Variants in ATN1 observed in about 807,000 individuals in gnomAD.
The protein encoded by ATN1 is atrophin 1, also known as atrophin-1.
In ATN1, 19 loss-of-function variants were observed where a neutral mutation model predicts 85.8. The ratio of observed to expected loss-of-function variants is 0.22; its 90% CI spans 0.15 to 0.32. The LOEUF (loss-of-function observed/expected upper bound fraction) is 0.32. Among genes scored for constraint, ATN1 ranks in the 10% least tolerant of loss-of-function variants. The pLI, the probability that ATN1 is intolerant of heterozygous loss-of-function variation, is 1.00. For missense variants in ATN1, 1,453 were observed against 1,564.5 expected, an observed-to-expected ratio of 0.93 and a Z score of 1.20; for synonymous variants, 674 against 657.0, an observed-to-expected ratio of 1.03 and a Z score of -0.39.
In ATN1 at chr12:6,936,598, C is replaced by A; in HGVS notation, c.1331C>A (p.Pro444Gln). Reference protein sequence around the residue: ...SQAVWSQGPPPPPPYGRLLAN... With the variant: ...SQAVWSQGPPQPPPYGRLLAN... The stretch of plus-strand genomic sequence containing the variant: ...GCTGTGTGGAGCCAGGGTCCCCCAC[C>A]ACCTCCTCCCTATGGCCGCCTCTTA... Residue 444 changes from proline to glutamine, a missense_variant, in exon 5 of 10, where the codon CCA becomes CAA. Pro to Gln is a moderately conservative substitution (Grantham distance 76). Coordinates refer to ENST00000396684, the MANE Select transcript of ATN1 (RefSeq NM_001940.4). 1 of 1,611,520 alleles carries A rather than the reference C, an allele frequency of 6.2e-7. No individual in the cohort carries two copies. Among genetic ancestry groups the A allele is most frequent in the Non-Finnish European group, 8.5e-7 (1 of 1,178,584 alleles).
Position 6,936,256 on chromosome 12 carries a change from C to T in ATN1, c.989C>T (p.Pro330Leu). 6.2e-7 allele frequency: 1 copy of T among 1,610,302 alleles called. No individual in the cohort carries two copies. Among genetic ancestry groups the T allele is most frequent in the South Asian group, 1.1e-5 (1 of 90,732 alleles). Residue 330 changes from proline (P) to leucine (L), a missense_variant, in exon 5 of 10, where the codon CCC (proline) becomes CTC (leucine). By Grantham distance (98) the Pro-to-Leu change is moderately conservative (BLOSUM62 -3). Transcript: ENST00000396684. ...LGAQPLPGHL[P>L]SPHAMGQGMG... ...GCCCAACCACTACCTGGTCATCTGC[C>T]CTCTCCCCACGCCATGGGACAGGGT...
rs782807248 is a variant in ATN1, at chr12:6,935,065, T to G, written c.280-482T>G. ...ACCATGCCCGGCTAATTTTTGTATT[T>G]TTGGTAGAGACAGTGTTTCACCATG... On this transcript the variant is annotated intron_variant, in intron 4 of 9. Transcript: ENST00000396684. This position sits in a 1 kb window ranked among gnomAD's most constrained non-coding sequence, Gnocchi z 5.3. Among the ~76,000 whole-genome samples, 3 of 152,136 alleles carry G rather than the reference T, an allele frequency of 2.0e-5. No individual in the cohort carries two copies. The highest frequency in any genetic ancestry group is 7.2e-5 in the African/African-American group (3 of 41,432).
Position 6,938,016 on chromosome 12 carries a change from A to G in ATN1, c.2466A>G (p.Glu822=), listed in dbSNP as rs1350469731. The G allele has an allele frequency of 6.5e-7, 1 of 1,541,180 alleles. No individual in the cohort carries two copies. The highest frequency in any genetic ancestry group is 8.8e-7 in the Non-Finnish European group (1 of 1,141,502). The part of the protein sequence containing the change: ...REEKERERER[E]REKEREREKE... ...AAAAGGAGCGCGAGCGCGAGCGGGA[A>G]CGCGAGAAAGAGCGCGAGCGCGAGA... Residue 822 remains glutamate, a synonymous_variant, in exon 6 of 10, where the codon GAA becomes GAG. Coordinates refer to ENST00000396684, the MANE Select transcript of ATN1 (RefSeq NM_001940.4).
At position 6,937,714 on chromosome 12, in the gene ATN1, C is replaced by A. The variant is rs1214951857; in HGVS notation, c.2295-131C>A. 4 of 1,443,276 alleles carry A rather than the reference C, an allele frequency of 2.8e-6. No individual in the cohort carries two copies. The highest frequency in any genetic ancestry group is 3.6e-6 in the Non-Finnish European group (4 of 1,100,868). The allele number at this position is 1,443,276 out of a possible 1,614,324, so 89.4% of individuals were successfully genotyped here. Reference sequence around the variant, plus strand: ...CGTCCAGGCCTAGTGGCCAGTGAGGCCCGCAGCAGCTCACAGCCTGCAGGG... The same window carrying A: ...CGTCCAGGCCTAGTGGCCAGTGAGGACCGCAGCAGCTCACAGCCTGCAGGG... On this transcript the variant is annotated intron_variant, in intron 5 of 9. Coordinates refer to ENST00000396684, the MANE Select transcript of ATN1 (RefSeq NM_001940.4). The surrounding 1 kb of genome is among the most constrained non-coding windows in gnomAD (Gnocchi z 6.0).
Position 6,936,440 on chromosome 12 carries a change from CTCCTCT to C in ATN1, c.1180_1185del (p.Ser394_Ser395del), listed in dbSNP as rs1555143669. ...CAGCAGCCTCCTCTTCCAGTTCTTC[CTCCTCT>C]TCCTCTGCCTCCCCCTTCCCAGCTT... On this transcript the variant is annotated inframe_deletion, in exon 5 of 10. Transcript: ENST00000396684. The C allele has an allele frequency of 4.3e-6, 7 of 1,611,584 alleles. No individual in the cohort carries two copies. The highest frequency in any genetic ancestry group is 5.1e-6 in the Non-Finnish European group (6 of 1,179,504).
rs1945566816 is a variant in ATN1 at position 6,937,546 on chromosome 12, CCAGT to C, written c.2285_2288del (p.Gln762LeufsTer77). On this transcript the variant is annotated frameshift_variant, in exon 5 of 10. Coordinates refer to ENST00000396684, the MANE Select transcript of ATN1 (RefSeq NM_001940.4). LOFTEE classifies it high-confidence loss of function. This position sits in a 1 kb window ranked among gnomAD's most constrained non-coding sequence, Gnocchi z 6.0. ...AAGGTGGTAGATGTACCCAGCCATG[CCAGT>C]CAGTCTGCCAGGTGAGCGGCCAGGT... 2.0e-6 allele frequency: 3 copies of C among 1,510,954 alleles called. No homozygotes were observed. Among genetic ancestry groups the C allele is most frequent in the Non-Finnish European group, 2.7e-6 (3 of 1,129,774 alleles). The allele number at this position is 1,510,954 out of a possible 1,614,324, so 93.6% of individuals were successfully genotyped here.
intron 1 of ATN1, among the ~76,000 whole-genome samples, chr12:6,932,634 T>C (rs782448712): frequency 1.3e-5 from 2 of 152,334 alleles, no homozygotes. Flanking sequence ...AGTAGGAGGA[T>C]AGGCTTAAAA....
In ATN1 at chr12:6,937,673, G is replaced by T; in HGVS notation, c.2294+112G>T. 7.0e-7 allele frequency: 1 copy of T among 1,427,984 alleles called. No homozygotes were observed. The highest frequency in any genetic ancestry group is 9.2e-7 in the Non-Finnish European group (1 of 1,088,876). The allele number at this position is 1,427,984 out of a possible 1,614,324, so 88.5% of individuals were successfully genotyped here. On this transcript the variant is annotated intron_variant, in intron 5 of 9. Transcript: ENST00000396684. This position sits in a 1 kb window ranked among gnomAD's most constrained non-coding sequence, Gnocchi z 6.0. ...TGCGCTGGTGTAGTGTTTTAGAAAA[G>T]CACGCCCCTCTCCTCCGTCCAGGCC...
In ATN1 at chr12:6,937,650, C is replaced by T. The variant is rs996877061; in HGVS notation, c.2294+89C>T. ...GAGGGAGTAGCAGGGAGGGGCCTTG[C>T]GCTGGTGTAGTGTTTTAGAAAAGCA... On this transcript the variant is annotated intron_variant, in intron 5 of 9. Coordinates refer to ENST00000396684, the MANE Select transcript of ATN1 (RefSeq NM_001940.4). This position sits in a 1 kb window ranked among gnomAD's most constrained non-coding sequence, Gnocchi z 6.0. 7 of 1,429,322 alleles carry T rather than the reference C, an allele frequency of 4.9e-6. No individual in the cohort carries two copies. The highest frequency in any genetic ancestry group is 4.6e-6 in the Non-Finnish European group (5 of 1,088,712). The allele number at this position is 1,429,322 out of a possible 1,614,324, so 88.5% of individuals were successfully genotyped here.
At position 6,929,573 on chromosome 12, in the gene ATN1, G is replaced by A. The variant is rs746546404; in HGVS notation, c.-163+1189G>A. Among the ~76,000 whole-genome samples the A allele has an allele frequency of 5.5e-4, 83 of 152,290 alleles. 1 individual carries two copies. Among genetic ancestry groups the A allele is most frequent in the Non-Finnish European group, 9.7e-4 (66 of 68,026 alleles). ...TTGGGGGGGCTTCGAATGTTTATTG[G>A]ACCTCAGCCTGTGGCTGTCCTTGGG... is the stretch of plus-strand genomic sequence containing the variant. On this transcript the variant is annotated intron_variant, in intron 1 of 9. Transcript: ENST00000396684.
chr12:6,935,926 A>C lies in ATN1; in HGVS notation c.659A>C (p.Tyr220Ser). 1 of 1,602,270 alleles carries C rather than the reference A, an allele frequency of 6.2e-7. No homozygotes were observed. The highest frequency in any genetic ancestry group is 8.5e-7 in the Non-Finnish European group (1 of 1,173,662). The part of the protein sequence containing the change: ...PGAPPPHPQL[Y>S]PGGTGGVLSG... ...GCCCCTCCCCCTCACCCACAGCTCT[A>C]TCCTGGGGGCACTGGTGGAGTTTTG... The change falls in exon 5 of 10, where the codon TAT (tyrosine) becomes TCT (serine). Residue 220 changes from tyrosine (Y) to serine (S), a missense_variant. Physicochemically the swap from Tyr to Ser is moderately radical, Grantham distance 144. This residue lies in a region of ATN1 where 990 missense variants were observed against 914.8 expected (regional missense o/e 1.08). Coordinates refer to ENST00000396684, the MANE Select transcript of ATN1 (RefSeq NM_001940.4). The surrounding 1 kb of genome is among the most constrained non-coding windows in gnomAD (Gnocchi z 5.3).
rs782446953 is a variant in ATN1 at position 6,941,465 on chromosome 12, G to A, written c.3450G>A (p.Leu1150=). ...LQAMHAQSAE[L]QRLALEQQQW... ...CCATGCACGCACAGTCAGCTGAGCTGCAGCGCTTGGCGCTGGAACAGCAGC... is the reference window on the plus strand; with the variant it reads ...CCATGCACGCACAGTCAGCTGAGCTACAGCGCTTGGCGCTGGAACAGCAGC... Residue 1150 remains leucine, a synonymous_variant, in exon 9 of 10, where the codon CTG becomes CTA. Transcript: ENST00000396684. The surrounding 1 kb of genome is among the most constrained non-coding windows in gnomAD (Gnocchi z 5.9). The A allele has an allele frequency of 1.3e-4, 211 of 1,612,630 alleles. No homozygotes were observed. Among genetic ancestry groups the A allele is most frequent in the Non-Finnish European group, 1.7e-4 (203 of 1,179,926 alleles).
In ATN1 at chr12:6,934,112, G is replaced by A; in HGVS notation, c.28-64G>A. 6.2e-7 allele frequency: 1 copy of A among 1,613,246 alleles called. No individual in the cohort carries two copies. Among genetic ancestry groups the A allele is most frequent in the Non-Finnish European group, 8.5e-7 (1 of 1,179,244 alleles). On this transcript the variant is annotated intron_variant, in intron 2 of 9. Coordinates refer to ENST00000396684, the MANE Select transcript of ATN1 (RefSeq NM_001940.4). This position sits in a 1 kb window ranked among gnomAD's most constrained non-coding sequence, Gnocchi z 4.5. ...GGTCTAGAGAAGAAGAACAAATAAT[G>A]TGCACCATAAAGTTAGGTGCAATGT...
At position 6,936,370 on chromosome 12, in the gene ATN1, C is replaced by T. The variant is rs782462592; in HGVS notation, c.1103C>T (p.Ala368Val). 2.1e-5 allele frequency: 34 copies of T among 1,613,768 alleles called. No homozygotes were observed. Among genetic ancestry groups the T allele is most frequent in the Non-Finnish European group, 2.6e-5 (31 of 1,179,952 alleles). ...CCTCCTGCTTCCTCTTCTGCTCCAGCGCCCCCCATGAGGTTTCCTTATTCA... is the reference window on the plus strand; with the variant it reads ...CCTCCTGCTTCCTCTTCTGCTCCAGTGCCCCCCATGAGGTTTCCTTATTCA... ...SLPPASSSAP[A>V]PPMRFPYSSS... The change falls in exon 5 of 10, where the codon GCG becomes GTG. Residue 368 changes from alanine (A) to valine (V), a missense_variant. Around this residue, in one of 6 missense-constraint regions of ATN1, gnomAD observed 990 missense variants for 914.8 expected, o/e 1.08. Transcript: ENST00000396684.
At chr12:6,932,019 A>G (rs1169471232) in intron 1 of ATN1, among the ~76,000 whole-genome samples, 5 of 133,440 alleles carry the variant, frequency 3.7e-5, no homozygotes, top group African/African-American at 1.1e-4. Flanking sequence ...GGGCAACAAG[A>G]GTGAAACTCT....
At chr12:6,931,110 A>G (rs1945456351) in intron 1 of ATN1, among the ~76,000 whole-genome samples, 1 of 152,150 alleles carries the variant, frequency 6.6e-6, no homozygotes, top group African/African-American at 2.4e-5. Flanking sequence ...AGGGCATACT[A>G]TGATTGCTGT....
intron 6 of ATN1, 41 bp downstream of exon 6, chr12:6,938,108 T>G (rs1432430244): frequency 1.3e-6 from 2 of 1,514,484 alleles, no homozygotes; most frequent in East Asian, 4.9e-5. Context: ...TCTTTCCCTC[T>G]TTCCTTCCTT....
chr12:6,934,542 T>C lies in ATN1; in HGVS notation c.243T>C (p.Ser81=). The C allele has an allele frequency of 6.4e-7, 1 of 1,573,726 alleles. No homozygotes were observed. Among genetic ancestry groups the C allele is most frequent in the Non-Finnish European group, 8.6e-7 (1 of 1,158,886 alleles). The stretch of plus-strand genomic sequence containing the variant: ...GTGAGGAGATCTCAGAGAGTGAAAG[T>C]GAGGAGACCAATGCACCAAAAAAGA... ...GRSEEISESE[S]EETNAPKKTK... Residue 81 remains serine, a synonymous_variant, in exon 4 of 10, where the codon AGT becomes AGC. Coordinates refer to ENST00000396684, the MANE Select transcript of ATN1 (RefSeq NM_001940.4). The surrounding 1 kb of genome is among the most constrained non-coding windows in gnomAD (Gnocchi z 4.5).
intron 7 of ATN1, 61 bp downstream of exon 7, chr12:6,939,238 G>C (rs1945600848): frequency 1.3e-6 from 2 of 1,510,396 alleles, no homozygotes; most frequent in Admixed American, 4.1e-5. Flanking sequence ...TCATGACTGG[G>C]CTCTTTCATT....
Sources: allele counts gnomAD v4.1 joint callset (sites outside exome capture counted in the v4.1 genomes callset), GRCh38; gene constraint gnomAD v4.1.1; regional missense constraint gnomAD v4.1.1; non-coding constraint Gnocchi (gnomAD v3.1); transcripts MANE v1.5; gene names NCBI Gene and HGNC (gene_info 2026-07-23, HGNC 2026-07-21).